Variants in GABRG2 observed in about 807,000 individuals in gnomAD.
GABRG2 encodes the protein gamma-aminobutyric acid type A receptor subunit gamma2.
GABRG2 carries 16 observed loss-of-function variants against 56.4 expected under a neutral mutation model. The observed-to-expected ratio is 0.28, with a 90% CI of 0.19 to 0.43. The LOEUF (loss-of-function observed/expected upper bound fraction) is 0.43, where lower values mean the gene tolerates loss of function less well. GABRG2 is among the 20% of genes least tolerant of loss of function. GABRG2 has a pLI of 1.00. For synonymous variants in GABRG2, 208 were observed against 205.5 expected, an observed-to-expected ratio of 1.01 and a Z score of -0.10; for missense variants, 327 against 582.7, an observed-to-expected ratio of 0.56 and a Z score of 4.52.
At chr5:162,069,627 C>G (rs1351418704) in intron 1 of GABRG2, among the ~76,000 whole-genome samples, 3 of 152,088 alleles carry the variant, frequency 2.0e-5, no homozygotes, top group Non-Finnish European at 4.4e-5. Flanking sequence ...TCTTCCAGCA[C>G]TTTTTGTACC....
At chr5:162,121,235 T>A (rs1172239839) in intron 6 of GABRG2, among the ~76,000 whole-genome samples, 4 of 152,132 alleles carry the variant, frequency 2.6e-5, no homozygotes, top group African/African-American at 9.7e-5. Context: ...AACCTGTTAA[T>A]GAATGTTGAA....
intron 1 of GABRG2, among the ~76,000 whole-genome samples, chr5:162,073,280 T>C (rs918906428): frequency 6.6e-6 from 1 of 151,962 alleles, no homozygotes; most frequent in African/African-American, 2.4e-5. Flanking sequence ...TTTTTTTTAA[T>C]ATAAGAGCAT....
intron 6 of GABRG2, among the ~76,000 whole-genome samples, chr5:162,123,229 CCTG>C (rs1763093749): frequency 6.6e-6 from 1 of 151,476 alleles, no homozygotes; most frequent in Non-Finnish European, 1.5e-5. Flanking sequence ...AAATCATCCT[CCTG>C]ATATTTTTTT....
chr5:162,109,420 A>ATATATATATATATATATTTATT (rs1424412323), intron 6 of GABRG2, among the ~76,000 whole-genome samples: 7 of 116,132 alleles, frequency 6.0e-5, no homozygotes, highest in African/African-American at 1.9e-4. Flanking sequence ...ATATATATAT[A>ATATATATATATATATATTTATT]TATTTATTTA....
intron 6 of GABRG2, among the ~76,000 whole-genome samples, chr5:162,137,644 T>C (rs1396743400): frequency 3.3e-5 from 5 of 152,192 alleles, no homozygotes; most frequent in Non-Finnish European, 5.9e-5. Flanking sequence ...ATTTTGGAAA[T>C]ATCTCACCAC....
In GABRG2 at chr5:162,138,077, A is replaced by T. The variant is rs540713506; in HGVS notation, c.770-4087A>T. 2.0e-5 allele frequency among the ~76,000 whole-genome samples: 3 copies of T among 152,200 alleles called. No individual in the cohort carries two copies. The South Asian group carries it at 6.2e-4, about 32-fold the overall frequency. ...GCCCTCACTGCAGTCTTGATAACAC[A>T]GAAGTCTGACATTTTACACAGTCGA... On this transcript the variant is annotated intron_variant, in intron 6 of 9. Coordinates refer to ENST00000639213, the MANE Select transcript of GABRG2 (RefSeq NM_198904.4).
chr5:162,088,992 C>T (rs1187916294), intron 1 of GABRG2, among the ~76,000 whole-genome samples: 1 of 152,046 alleles, frequency 6.6e-6, no homozygotes, highest in Non-Finnish European at 1.5e-5. Flanking sequence ...GTAATGAAGA[C>T]AGACAATAGA....
chr5:162,114,368 A>G (rs1386289964), intron 6 of GABRG2, among the ~76,000 whole-genome samples: 3 of 152,088 alleles, frequency 2.0e-5, no homozygotes, highest in Admixed American at 6.6e-5. Flanking sequence ...AATTAATATG[A>G]GATAGCATAT....
At chr5:162,147,755 A>T (rs1765073253) in intron 7 of GABRG2, among the ~76,000 whole-genome samples, 1 of 152,198 alleles carries the variant, frequency 6.6e-6, no homozygotes, top group Non-Finnish European at 1.5e-5. Flanking sequence ...TAATAGTCAG[A>T]ATTGCACATC....
chr5:162,130,651 C>G (rs1714598439), intron 6 of GABRG2, among the ~76,000 whole-genome samples: 1 of 151,958 alleles, frequency 6.6e-6, no homozygotes, highest in Admixed American at 6.6e-5. Context: ...CTCTCTTTAT[C>G]TCTTGATTTT....
At chr5:162,087,587 C>A (rs778048824) in intron 1 of GABRG2, among the ~76,000 whole-genome samples, 3 of 151,976 alleles carry the variant, frequency 2.0e-5, no homozygotes, top group African/African-American at 7.2e-5. Flanking sequence ...CACATAGATA[C>A]TTCTTTGGGT....
At chr5:162,152,880 A>G (rs1765473766) in intron 9 of GABRG2, 1 of 617,616 alleles carries the variant, frequency 1.6e-6, no homozygotes, top group Admixed American at 2.8e-5. Flanking sequence ...TGATGATATT[A>G]TTTTCAGCTG....
At chr5:162,084,880 C>T (rs1489382129) in intron 1 of GABRG2, among the ~76,000 whole-genome samples, 2 of 151,722 alleles carry the variant, frequency 1.3e-5, no homozygotes, top group Admixed American at 1.3e-4. Flanking sequence ...GAGAGGAAGC[C>T]TTCTTTATTA....
intron 4 of GABRG2, chr5:162,099,096 T>A (rs1333025353): frequency 6.6e-6 from 1 of 152,152 alleles, no homozygotes. Flanking sequence ...TCATGTTAAA[T>A]GTGCTTGCTC....
chr5:162,116,522 T>C (rs556088068), intron 6 of GABRG2, among the ~76,000 whole-genome samples: 1 of 152,002 alleles, frequency 6.6e-6, no homozygotes, highest in African/African-American at 2.4e-5. Flanking sequence ...TTGACTCACA[T>C]TCTACTGACC....
chr5:162,082,222 C>T (rs1054269575), intron 1 of GABRG2, among the ~76,000 whole-genome samples: 1 of 151,726 alleles, frequency 6.6e-6, no homozygotes, highest in African/African-American at 2.4e-5. Context: ...CCTAATTTTA[C>T]AATATGCACA....
chr5:162,129,529 G>A (rs191897927), intron 6 of GABRG2, among the ~76,000 whole-genome samples: 11 of 151,782 alleles, frequency 7.2e-5, no homozygotes, highest in Admixed American at 4.6e-4. Flanking sequence ...TAAGCACCCG[G>A]TCTGAGTCCT....
At chr5:162,078,438 G>A (rs1410372326) in intron 1 of GABRG2, among the ~76,000 whole-genome samples, 6 of 103,048 alleles carry the variant, frequency 5.8e-5, no homozygotes, top group East Asian at 6.4e-4. Flanking sequence ...ACGGAGTCTT[G>A]CTCTATCGCC....
intron 6 of GABRG2, among the ~76,000 whole-genome samples, chr5:162,113,520 T>C (rs914972412): frequency 1.3e-5 from 2 of 152,174 alleles, no homozygotes; most frequent in Non-Finnish European, 2.9e-5. Context: ...CTTTATAAGA[T>C]GATATCTTTC....
Sources: gnomAD v4.1 joint callset for allele counts (sites outside exome capture counted in the v4.1 genomes callset) on GRCh38, gnomAD v4.1.1 for gene constraint, MANE v1.5 for transcripts, NCBI Gene and HGNC (gene_info 2026-07-23, HGNC 2026-07-21) for gene names.